The following ASCC3 variants were observed in gnomAD, a reference collection of about 807,000 sequenced individuals.
ASCC3 encodes the protein activating signal cointegrator 1 complex subunit 3.
In ASCC3, 158 loss-of-function variants were observed where a neutral mutation model predicts 256.3. The observed-to-expected ratio is 0.62, with a 90% CI of 0.54 to 0.70. The LOEUF (loss-of-function observed/expected upper bound fraction) is 0.70, where lower values mean the gene tolerates loss of function less well. Ranked by LOEUF, ASCC3 falls within the 30% of genes least tolerant of loss-of-function variation. The pLI is 0.00. For synonymous variants in ASCC3, 948 were observed against 883.4 expected (o/e 1.07, Z -1.30); for missense variants, 2,259 against 2,626.0 (o/e 0.86, Z 3.05).
chr6:100,611,948 T>A (rs1046451196), intron 30 of ASCC3, among the ~76,000 whole-genome samples: 1 of 151,990 alleles, frequency 6.6e-6, no homozygotes, highest in Non-Finnish European at 1.5e-5. Flanking sequence ...AAATTATTTG[T>A]TGTAATGTAT....
chr6:100,781,581 G>A (rs576564206), intron 8 of ASCC3, among the ~76,000 whole-genome samples: 8 of 149,752 alleles, frequency 5.3e-5, no homozygotes, highest in Middle Eastern at 3.4e-3. Context: ...GTAGAGACAC[G>A]GTTTCACCAT....
rs1582597476 is a variant in ASCC3, at chr6:100,631,192, T to C, written c.4144A>G (p.Lys1382Glu). ...TSKAVYIAPL[K>E]ALVRERMDDW... ...TCCATTCTTTCACGTACTAGGGCTTTTAGGGGTGCAATATATACCGCCTAA... is the reference window on the plus strand; with the variant it reads ...TCCATTCTTTCACGTACTAGGGCTTCTAGGGGTGCAATATATACCGCCTAA... The change falls in exon 26 of 42, where the codon AAA becomes GAA. Residue 1382 changes from lysine to glutamate, a missense_variant. Transcript: ENST00000369162. The C allele has an allele frequency of 6.2e-7, 1 of 1,612,548 alleles. No individual in the cohort carries two copies. Among genetic ancestry groups the C allele is most frequent in the Non-Finnish European group, 8.5e-7 (1 of 1,178,978 alleles).
chr6:100,553,731 A>C (rs1769420222), intron 36 of ASCC3, among the ~76,000 whole-genome samples: 1 of 152,160 alleles, frequency 6.6e-6, no homozygotes, highest in Non-Finnish European at 1.5e-5. Context: ...CATCTTTTGT[A>C]ATCACATCAA....
At chr6:100,665,593 A>T (rs1243435578) in intron 14 of ASCC3, among the ~76,000 whole-genome samples, 1 of 151,626 alleles carries the variant, frequency 6.6e-6, no homozygotes, top group East Asian at 1.9e-4. Flanking sequence ...AAAAAAAAAT[A>T]GCCGGGCATG....
chr6:100,602,151 A>G (rs568894591), intron 33 of ASCC3, among the ~76,000 whole-genome samples: 1 of 152,156 alleles, frequency 6.6e-6, no homozygotes, highest in Admixed American at 6.6e-5. Flanking sequence ...TTTAACCATG[A>G]GTCTATAAAT....
At chr6:100,565,640 C>A (rs1184334734) in intron 36 of ASCC3, among the ~76,000 whole-genome samples, 4 of 152,018 alleles carry the variant, frequency 2.6e-5, no homozygotes, top group Non-Finnish European at 4.4e-5. Flanking sequence ...GTCTAAACCC[C>A]AGGGCCATGG....
chr6:100,713,939 A>G (rs2115018745), intron 13 of ASCC3, among the ~76,000 whole-genome samples: 1 of 152,328 alleles, frequency 6.6e-6, no homozygotes, highest in African/African-American at 2.4e-5. Flanking sequence ...GCTATACGGG[A>G]CATTCCATTA....
intron 36 of ASCC3, among the ~76,000 whole-genome samples, chr6:100,573,955 T>C (rs1770728690): frequency 6.6e-6 from 1 of 152,092 alleles, no homozygotes; most frequent in Non-Finnish European, 1.5e-5. Context: ...TAGGATAGGC[T>C]GGTAACTCTT....
At chr6:100,777,404 T>C (rs900750914) in intron 8 of ASCC3, among the ~76,000 whole-genome samples, 18 of 152,120 alleles carry the variant, frequency 1.2e-4, no homozygotes, top group African/African-American at 4.1e-4. Flanking sequence ...TGGCTTAAAC[T>C]GTTCAAACAC....
At chr6:100,654,123 A>G (rs1775807094) in intron 17 of ASCC3, among the ~76,000 whole-genome samples, 2 of 152,098 alleles carry the variant, frequency 1.3e-5, no homozygotes, top group Admixed American at 1.3e-4. Context: ...GCAAATACAA[A>G]AAGTCTTAAA....
At chr6:100,646,835 TA>T in intron 21 of ASCC3, 66 bp from the exon 22 acceptor site, 1 of 1,492,716 alleles carries the variant, frequency 6.7e-7, no homozygotes, top group Non-Finnish European at 9.3e-7. Flanking sequence ...ATCTGACTTG[TA>T]AATGGGATTT....
At chr6:100,681,049 T>C (rs1237841536) in intron 13 of ASCC3, among the ~76,000 whole-genome samples, 2 of 152,176 alleles carry the variant, frequency 1.3e-5, no homozygotes, top group Non-Finnish European at 2.9e-5. Flanking sequence ...TCTATAGAGG[T>C]ATCTCTATAT....
chr6:100,592,421 T>C (rs958107701), intron 34 of ASCC3, among the ~76,000 whole-genome samples: 4 of 152,020 alleles, frequency 2.6e-5, no homozygotes, highest in African/African-American at 9.7e-5. Context: ...GGTCAATATT[T>C]GGACTGAGAT....
chr6:100,523,125 T>G (rs1774390407), intron 37 of ASCC3, among the ~76,000 whole-genome samples: 1 of 151,468 alleles, frequency 6.6e-6, no homozygotes, highest in Non-Finnish European at 1.5e-5. Context: ...GAAGAGGGAA[T>G]GTGGTATACT....
chr6:100,715,621 T>G, intron 12 of ASCC3, 88 bp from the exon 13 acceptor site: 1 of 1,046,982 alleles, frequency 9.6e-7, no homozygotes, highest in Non-Finnish European at 1.4e-6. Flanking sequence ...TACAATGCAT[T>G]TTTTAAGCTT....
chr6:100,858,018 T>C (rs1313994331), intron 3 of ASCC3: 1 of 166,830 alleles, frequency 6.0e-6, no homozygotes, highest in East Asian at 1.9e-4. Context: ...TCTGTTTATT[T>C]AGATCTTCTT....
intron 13 of ASCC3, among the ~76,000 whole-genome samples, chr6:100,698,538 T>TAAAAAATACA (rs2114994923): frequency 6.6e-6 from 1 of 152,078 alleles, no homozygotes; most frequent in African/African-American, 2.4e-5. Context: ...AAATAACTGG[T>TAAAAAATACA]GACAAAAATG....
In ASCC3 at chr6:100,632,840, A is replaced by G. The variant is rs539921454; in HGVS notation, c.4123-1627T>C. On this transcript the variant is annotated intron_variant, in intron 25 of 41. Transcript: ENST00000369162. The stretch of plus-strand genomic sequence containing the variant: ...CTCACAATGGATTAAATAATTAAAT[A>G]TAAGATCTAAAACTACAAAATTCTT... Among the ~76,000 whole-genome samples the G allele has an allele frequency of 5.9e-5, 9 of 152,314 alleles. 1 individual carries two copies. The East Asian group carries it at 1.2e-3, about 20-fold the overall frequency.
Position 100,679,618 on chromosome 6 carries a change from C to T in ASCC3, c.2286G>A (p.Gln762=). ...QGHDYVLAEK[Q]VQRSRNKQVR... Reference sequence around the variant, plus strand: ...AGTTCTTGTCCTCTTTGTTTCTTACCTGTTTTTCTGCAAGTACATAGTCAT... The same window carrying T: ...AGTTCTTGTCCTCTTTGTTTCTTACTTGTTTTTCTGCAAGTACATAGTCAT... The change falls in exon 14 of 42, where the codon CAG becomes CAA. Residue 762 remains glutamine (Q), a splice_region_variant and synonymous_variant. Transcript: ENST00000369162. 6.2e-7 allele frequency: 1 copy of T among 1,613,324 alleles called. No homozygotes were observed. The highest frequency in any genetic ancestry group is 8.5e-7 in the Non-Finnish European group (1 of 1,179,560).
Sources: allele counts gnomAD v4.1 joint callset (sites outside exome capture counted in the v4.1 genomes callset), GRCh38; gene constraint gnomAD v4.1.1; transcripts MANE v1.5; gene names NCBI Gene and HGNC (gene_info 2026-07-23, HGNC 2026-07-21).